The following RERG variants were observed in gnomAD, a reference collection of about 807,000 sequenced individuals.
RERG encodes the protein ras-related and estrogen-regulated growth inhibitor.
Under a neutral mutation model 23.2 loss-of-function variants are expected in RERG, and 25 were observed. The ratio of observed to expected loss-of-function variants is 1.08; its 90% CI spans 0.79 to 1.50. The LOEUF (loss-of-function observed/expected upper bound fraction) is 1.50. Ranked by LOEUF, RERG falls within the 40% of genes most tolerant of loss-of-function variation. The pLI, the probability that RERG is intolerant of heterozygous loss-of-function variation, is 0.00. For missense variants in RERG, 253 were observed against 250.1 expected (o/e 1.01, Z -0.08); for synonymous variants, 81 against 89.1 (o/e 0.91, Z 0.51).
At chr12:15,130,281 G>A (rs78972526) in intron 2 of RERG, among the ~76,000 whole-genome samples, 6,087 of 152,198 alleles carry the variant, frequency 0.04, 445 homozygotes, top group African/African-American at 0.14. Context: ...GGCATGCAGT[G>A]GGCATGGTTA....
At position 15,138,817 on chromosome 12, in the gene RERG, A is replaced by G. The variant is rs557422953; in HGVS notation, c.62-17698T>C. ...CGTAACAGAAGTTTTAAATTTTAATAAAGTCCAATTATCAACCTTTTTTTA... is the reference window on the plus strand; with the variant it reads ...CGTAACAGAAGTTTTAAATTTTAATGAAGTCCAATTATCAACCTTTTTTTA... On this transcript the variant is annotated intron_variant, in intron 2 of 4. Coordinates refer to ENST00000256953, the MANE Select transcript of RERG (RefSeq NM_032918.3). 3.9e-5 allele frequency among the ~76,000 whole-genome samples: 6 copies of G among 152,008 alleles called. No homozygotes were observed. The East Asian group carries it at 9.6e-4, about 24-fold the overall frequency.
intron 2 of RERG, among the ~76,000 whole-genome samples, chr12:15,166,304 A>G (rs1864686577): frequency 1.3e-5 from 2 of 152,226 alleles, no homozygotes; most frequent in Admixed American, 1.3e-4. Context: ...AAGATTCTTT[A>G]GAACTAGAAC....
intron 2 of RERG, among the ~76,000 whole-genome samples, chr12:15,121,627 A>C (rs1863833541): frequency 6.6e-6 from 1 of 152,252 alleles, no homozygotes; most frequent in South Asian, 2.1e-4. Context: ...AAAACTCATC[A>C]AAAGTAGCAC....
intron 2 of RERG, among the ~76,000 whole-genome samples, chr12:15,174,838 T>C (rs759784442): frequency 2.6e-5 from 4 of 152,116 alleles, no homozygotes; most frequent in Non-Finnish European, 4.4e-5. Flanking sequence ...ATTGATATTC[T>C]CTATTTGGTG....
At position 15,126,873 on chromosome 12, in the gene RERG, A is replaced by C. The variant is rs1054625155; in HGVS notation, c.62-5754T>G. Among the ~76,000 whole-genome samples, 7 of 151,010 alleles carry C rather than the reference A, an allele frequency of 4.6e-5. 1 individual carries two copies. Among genetic ancestry groups the C allele is most frequent in the African/African-American group, 1.7e-4 (7 of 40,554 alleles). On this transcript the variant is annotated intron_variant, in intron 2 of 4. Coordinates refer to ENST00000256953, the MANE Select transcript of RERG (RefSeq NM_032918.3). ...GCTGGGACTACAGGCGCAACCCGCC[A>C]CACCCGGCTAATTTTTTTGTATTTT...
chr12:15,175,382 TG>T (rs1864836297), intron 2 of RERG, among the ~76,000 whole-genome samples: 3 of 146,936 alleles, frequency 2.0e-5, no homozygotes, highest in South Asian at 2.1e-4. Context: ...TGTGTGTGTG[TG>T]TGTGTTGGGG....
chr12:15,133,257 C>A (rs978564653), intron 2 of RERG, among the ~76,000 whole-genome samples: 1 of 150,722 alleles, frequency 6.6e-6, no homozygotes, highest in African/African-American at 2.4e-5. Flanking sequence ...TCCCTCTCTT[C>A]CCCCTAAATC....
intron 2 of RERG, among the ~76,000 whole-genome samples, chr12:15,160,623 T>C (rs1260777852): frequency 6.6e-6 from 1 of 152,194 alleles, no homozygotes; most frequent in Non-Finnish European, 1.5e-5. Context: ...ACTGCCACAA[T>C]AAAATACTTT....
chr12:15,208,902 T>C (rs1209904937), intron 2 of RERG, among the ~76,000 whole-genome samples: 1 of 152,014 alleles, frequency 6.6e-6, no homozygotes, highest in East Asian at 1.9e-4. Flanking sequence ...GTTATTGTCC[T>C]AAACCCTCCT....
intron 2 of RERG, among the ~76,000 whole-genome samples, chr12:15,162,813 A>C (rs1864633796): frequency 6.6e-6 from 1 of 152,208 alleles, no homozygotes; most frequent in African/African-American, 2.4e-5. Flanking sequence ...CAGAAAGGTA[A>C]ACTTGCCTAT....
chr12:15,217,573 A>G lies in RERG; in HGVS notation c.-84T>C. 2.1e-6 allele frequency: 2 copies of G among 937,796 alleles called. No homozygotes were observed. The highest frequency in any genetic ancestry group is 4.8e-5 in the East Asian group (2 of 41,648). 58.1% of individuals were successfully genotyped at this position (937,796 alleles called of 1,614,324 possible). A position where few individuals can be genotyped will look rare whatever the true frequency, so the allele number is the denominator to read the frequency against. ...TGGTTCCAGTCTTTGGATTCACCAT[A>G]TCATTGTGAATCTTGGAAGAGTCCA... On this transcript the variant is annotated 5_prime_UTR_variant, in exon 2 of 5. Coordinates refer to ENST00000256953, the MANE Select transcript of RERG (RefSeq NM_032918.3).
At chr12:15,141,597 G>C (rs1864239856) in intron 2 of RERG, among the ~76,000 whole-genome samples, 1 of 151,636 alleles carries the variant, frequency 6.6e-6, no homozygotes, top group Non-Finnish European at 1.5e-5. Context: ...TTCTGTTCAG[G>C]TGAACTGATC....
chr12:15,122,417 G>A (rs779926540), intron 2 of RERG, among the ~76,000 whole-genome samples: 3 of 152,196 alleles, frequency 2.0e-5, no homozygotes, highest in Non-Finnish European at 2.9e-5. Context: ...GGAGATGGCA[G>A]TGTAAATTGC....
At chr12:15,163,728 T>G (rs1030051733) in intron 2 of RERG, among the ~76,000 whole-genome samples, 1 of 151,950 alleles carries the variant, frequency 6.6e-6, no homozygotes, top group African/African-American at 2.4e-5. Flanking sequence ...CAGGAGGAAA[T>G]GGGTAACCAG....
chr12:15,151,533 G>A (rs902202207), intron 2 of RERG, among the ~76,000 whole-genome samples: 13 of 152,186 alleles, frequency 8.5e-5, no homozygotes, highest in Non-Finnish European at 1.8e-4. Flanking sequence ...GTTGTAGATT[G>A]TAGATGTAGA....
At chr12:15,206,653 T>C (rs925352635) in intron 2 of RERG, among the ~76,000 whole-genome samples, 1 of 152,054 alleles carries the variant, frequency 6.6e-6, no homozygotes, top group African/African-American at 2.4e-5. Context: ...CTGCTGGTGA[T>C]CCCGAGGCAT....
At chr12:15,159,363 C>A (rs921547002) in intron 2 of RERG, among the ~76,000 whole-genome samples, 1 of 152,152 alleles carries the variant, frequency 6.6e-6, no homozygotes, top group Non-Finnish European at 1.5e-5. Context: ...TACAGAAATA[C>A]CTTTTTCGTT....
At chr12:15,164,911 C>G (rs1055893660) in intron 2 of RERG, among the ~76,000 whole-genome samples, 1 of 152,174 alleles carries the variant, frequency 6.6e-6, no homozygotes, top group African/African-American at 2.4e-5. Flanking sequence ...GGAGCACTCT[C>G]TTCATTAAGC....
At chr12:15,170,844 C>T (rs987293804) in intron 2 of RERG, among the ~76,000 whole-genome samples, 2 of 152,166 alleles carry the variant, frequency 1.3e-5, no homozygotes, top group African/African-American at 4.8e-5. Flanking sequence ...TCCTAAAAAC[C>T]AGAGGAAATA....
Sources: gnomAD v4.1 joint callset for allele counts (sites outside exome capture counted in the v4.1 genomes callset) on GRCh38, gnomAD v4.1.1 for gene constraint, MANE v1.5 for transcripts, NCBI Gene and HGNC (gene_info 2026-07-23, HGNC 2026-07-21) for gene names.